SGSH: variants seen among roughly 807,000 people sequenced by gnomAD.
SGSH encodes N-sulfoglucosamine sulfohydrolase, also known as heparan sulfate sulfatase.
Under a neutral mutation model 51.0 loss-of-function variants are expected in SGSH, and 48 were observed. The observed-to-expected ratio is 0.94, with a 90% CI of 0.75 to 1.20. The LOEUF (loss-of-function observed/expected upper bound fraction) is 1.20, where lower values mean the gene tolerates loss of function less well. Among genes scored for constraint, SGSH ranks in the 50% most tolerant of loss-of-function variants. SGSH has a pLI of 0.00. For synonymous variants in SGSH, 321 were observed against 313.4 expected, an observed-to-expected ratio of 1.02 and a Z score of -0.26; for missense variants, 662 against 717.8, an observed-to-expected ratio of 0.92 and a Z score of 0.89.
chr17:80,203,687 G>A (rs540668055), downstream of SGSH: 7 of 624,028 alleles, frequency 1.1e-5, no homozygotes, highest in South Asian at 1.4e-4. The surrounding 1 kb of genome is among the most constrained non-coding windows in gnomAD (Gnocchi z 4.6). Context: ...CTGCAGCAAA[G>A]GGATGTGTGG....
downstream of SGSH, chr17:80,201,977 C>CAAGA: frequency 7.0e-7 from 1 of 1,426,408 alleles, no homozygotes; most frequent in African/African-American, 1.4e-5. The surrounding 1 kb of genome is among the most constrained non-coding windows in gnomAD (Gnocchi z 5.0). Context: ...CCCCCAGAGC[C>CAAGA]AAGAGAGGAT....
At chr17:80,219,385 G>A (rs1284987494) in intron 1 of SGSH, among the ~76,000 whole-genome samples, 1 of 152,176 alleles carries the variant, frequency 6.6e-6, no homozygotes, top group Non-Finnish European at 1.5e-5. Context: ...ATCCATGGCA[G>A]TCCGTGCTAA....
chr17:80,214,198 G>A lies in SGSH; in HGVS notation c.637C>T (p.Gln213Ter). 1 of 1,611,300 alleles carries A rather than the reference G, an allele frequency of 6.2e-7. No homozygotes were observed. Among genetic ancestry groups the A allele is most frequent in the Non-Finnish European group, 8.5e-7 (1 of 1,179,368 alleles). ...GMGRIPDWTP[Q>*]AYDPLDVLVP... ...AGCACGTCCAGTGGGTCGTAGGCCT[G>A]GGGGGTCCAGTCTGGGATACGACCC... Residue 213 changes from glutamine to a stop codon, truncating the protein, a stop_gained, in exon 5 of 8, where the codon CAG becomes TAG. Transcript: ENST00000326317. LOFTEE classifies it high-confidence loss of function.
rs948418705 is a variant in SGSH, at chr17:80,209,460, G to A, written c.*992C>T. 1.2e-4 allele frequency: 115 copies of A among 985,466 alleles called. No homozygotes were observed. The highest frequency in any genetic ancestry group is 1.3e-4 in the Non-Finnish European group (109 of 830,092). 61.0% of individuals were successfully genotyped at this position (985,466 alleles called of 1,614,324 possible). On this transcript the variant is annotated 3_prime_UTR_variant, in exon 8 of 8. Coordinates refer to ENST00000326317, the MANE Select transcript of SGSH (RefSeq NM_000199.5). ...GTCCAGGCCGAGGGGTGTCCAGGCCGGGCTTCTGCTCCCGAGGTGGGTGGA... is the reference window on the plus strand; with the variant it reads ...GTCCAGGCCGAGGGGTGTCCAGGCCAGGCTTCTGCTCCCGAGGTGGGTGGA...
Position 80,215,112 on chromosome 17 carries a change from G to T in SGSH, c.276C>A (p.His92Gln). The change falls in exon 3 of 8, where the codon CAC becomes CAA. Residue 92 changes from histidine (H) to glutamine (Q), a missense_variant. By Grantham distance (24) the His-to-Gln change is conservative. Transcript: ENST00000326317. ...PQHQNGMYGL[H>Q]QDVHHFNSFD... Reference sequence around the variant, plus strand: ...AGGAGTTGAAGTGGTGCACGTCCTGGTGCAGCCCGTACATCCCATTCTGAT... The same window carrying T: ...AGGAGTTGAAGTGGTGCACGTCCTGTTGCAGCCCGTACATCCCATTCTGAT... 1.2e-6 allele frequency: 2 copies of T among 1,612,008 alleles called. No homozygotes were observed. The highest frequency in any genetic ancestry group is 1.7e-6 in the Non-Finnish European group (2 of 1,179,938).
chr17:80,205,502 A>G (rs1487645650), downstream of SGSH: 2 of 1,574,116 alleles, frequency 1.3e-6, no homozygotes, highest in Admixed American at 1.8e-5. Flanking sequence ...CAGCTGGTCT[A>G]TGATGGCCCC....
At position 80,220,210 on chromosome 17, in the gene SGSH, C is replaced by T; in HGVS notation, c.88+16G>A. 1 of 1,503,256 alleles carries T rather than the reference C, an allele frequency of 6.7e-7. No homozygotes were observed. Among genetic ancestry groups the T allele is most frequent in the Non-Finnish European group, 8.9e-7 (1 of 1,129,040 alleles). The allele number at this position is 1,503,256 out of a possible 1,614,324, so 93.1% of individuals were successfully genotyped here. ...GCCACCGCAGGTGGGCGTGGGGGGGCGGCGCCGGCACTCACCGAGGAGCAG... is the reference window on the plus strand; with the variant it reads ...GCCACCGCAGGTGGGCGTGGGGGGGTGGCGCCGGCACTCACCGAGGAGCAG... On this transcript the variant is annotated intron_variant, in intron 1 of 7. Coordinates refer to ENST00000326317, the MANE Select transcript of SGSH (RefSeq NM_000199.5).
intron 7 of SGSH, chr17:80,211,793 A>T (rs1288087060): frequency 3.9e-5 from 20 of 518,410 alleles, no homozygotes; most frequent in Non-Finnish European, 1.4e-5. Flanking sequence ...TCTGAAGCTC[A>T]TCGGAGGTAG....
chr17:80,202,172 T>G (rs1444255452), downstream of SGSH: 5 of 1,605,896 alleles, frequency 3.1e-6, no homozygotes, highest in Non-Finnish European at 4.3e-6. Flanking sequence ...CATGTCCCCT[T>G]TTATCAGGTT....
chr17:80,214,894 G>T, intron 3 of SGSH, 129 bp from the exon 4 acceptor site: 3 of 1,325,972 alleles, frequency 2.3e-6, no homozygotes, highest in Non-Finnish European at 3.2e-6. Context: ...AGGAGACCCA[G>T]GCCCAGATCC....
chr17:80,201,728 C>T (rs186883652), downstream of SGSH: 361 of 1,613,878 alleles, frequency 2.2e-4, no homozygotes, highest in African/African-American at 4.5e-3. The surrounding 1 kb of genome is among the most constrained non-coding windows in gnomAD (Gnocchi z 5.0). Flanking sequence ...GACTGACCTT[C>T]TCGACTTGCC....
chr17:80,210,467 G>A lies in SGSH; in HGVS notation c.1494C>T (p.Leu498=), dbSNP rs768548479. ...CCTGGGATGGTCACAGCTCATTGTG[G>A]AGGGGCTGGCACTGGGGAGAGAGCT... ...EEKLSPQCQP[L]HNEL is the part of the protein sequence containing the mutation. Residue 498 remains leucine (L), a synonymous_variant, in exon 8 of 8, where the codon CTC becomes CTT. Transcript: ENST00000326317. 6.3e-7 allele frequency: 1 copy of A among 1,596,800 alleles called. No individual in the cohort carries two copies. The highest frequency in any genetic ancestry group is 8.5e-7 in the Non-Finnish European group (1 of 1,176,730).
intron 4 of SGSH, 102 bp from the exon 5 acceptor site, chr17:80,214,430 G>A (rs1161498264): frequency 2.8e-6 from 4 of 1,409,586 alleles, no homozygotes; most frequent in Non-Finnish European, 3.9e-6. Flanking sequence ...AAGTCAACCT[G>A]TGACCCTCAC....
chr17:80,215,499 T>C (rs1189493465), intron 2 of SGSH, among the ~76,000 whole-genome samples: 7 of 152,264 alleles, frequency 4.6e-5, no homozygotes, highest in Admixed American at 4.6e-4. Context: ...AGTTATTTTA[T>C]ATTGTAAAAG....
At chr17:80,201,528 ACT>A in the SGSH span, 1 of 560,390 alleles carries the variant, frequency 1.8e-6, no homozygotes, top group South Asian at 2.1e-5. This position sits in a 1 kb window ranked among gnomAD's most constrained non-coding sequence, Gnocchi z 5.0. Context: ...TTGGCAGTTG[ACT>A]CTCTGGCCAG....
At chr17:80,201,441 T>TTTCTG in the SGSH span, 1 of 324,742 alleles carries the variant, frequency 3.1e-6, no homozygotes, top group Non-Finnish European at 5.7e-6. The surrounding 1 kb of genome is among the most constrained non-coding windows in gnomAD (Gnocchi z 5.0). Context: ...ACCGAGGTTC[T>TTTCTG]TTCTTTTCTT....
downstream of SGSH, chr17:80,202,075 G>C: frequency 7.9e-7 from 1 of 1,257,898 alleles, no homozygotes; most frequent in East Asian, 2.3e-5. Flanking sequence ...AGCAGCTTCT[G>C]AGACTGGGAG....
chr17:80,218,796 G>A (rs1025482360), intron 1 of SGSH, among the ~76,000 whole-genome samples: 11 of 152,182 alleles, frequency 7.2e-5, no homozygotes, highest in Non-Finnish European at 1.2e-4. Context: ...TCTGGAGACA[G>A]GGTCCTTAAT....
intron 4 of SGSH, 36 bp from the exon 5 acceptor site, chr17:80,214,364 G>A: frequency 6.2e-7 from 1 of 1,601,866 alleles, no homozygotes; most frequent in Non-Finnish European, 8.5e-7. Flanking sequence ...AGGCTGCGGG[G>A]CCACTGCCAC....
Sources: allele counts gnomAD v4.1 joint callset (sites outside exome capture counted in the v4.1 genomes callset), GRCh38; gene constraint gnomAD v4.1.1; non-coding constraint Gnocchi (gnomAD v3.1); transcripts MANE v1.5; gene names NCBI Gene and HGNC (gene_info 2026-07-23, HGNC 2026-07-21).